The following RANBP2 variants were observed in gnomAD, a reference collection of about 807,000 sequenced individuals.
The protein encoded by RANBP2 is E3 SUMO-protein ligase RanBP2.
A neutral mutation model predicts 303.6 loss-of-function variants in RANBP2; 57 were observed. The ratio of observed to expected loss-of-function variants is 0.19; its 90% CI spans 0.15 to 0.23. The LOEUF is 0.23. RANBP2 is among the 10% of genes least tolerant of loss of function. The pLI, the probability that RANBP2 is intolerant of heterozygous loss-of-function variation, is 1.00. For missense variants in RANBP2, 3,138 were observed against 3,780.8 expected (o/e 0.83, Z 4.46); for synonymous variants, 1,167 against 1,301.5 (o/e 0.90, Z 2.23).
chr2:109,242,478 G>A, the RANBP2 span, among the ~76,000 whole-genome samples: 2 of 152,124 alleles, frequency 1.3e-5, no homozygotes, highest in Admixed American at 6.5e-5. Flanking sequence ...CTGCTGAGCC[G>A]CCCCAGTGAC....
the RANBP2 span, among the ~76,000 whole-genome samples, chr2:109,342,237 CA>C: frequency 3.3e-5 from 5 of 152,158 alleles, no homozygotes; most frequent in African/African-American, 9.7e-5. Flanking sequence ...CTGCTATTAG[CA>C]ATAGGATCTT....
chr2:109,324,979 G>A, the RANBP2 span, among the ~76,000 whole-genome samples: 1 of 152,192 alleles, frequency 6.6e-6, no homozygotes, highest in African/African-American at 2.4e-5. Flanking sequence ...CACAGTTTTG[G>A]CAAGGAAAAG....
At chr2:109,508,906 C>T in the RANBP2 span, among the ~76,000 whole-genome samples, 9 of 152,316 alleles carry the variant, frequency 5.9e-5, no homozygotes, top group African/African-American at 1.2e-4. Context: ...GGAGCAAAGG[C>T]GCTACAAGCC....
At chr2:109,023,104 G>GA in the RANBP2 span, among the ~76,000 whole-genome samples, 1 of 152,196 alleles carries the variant, frequency 6.6e-6, no homozygotes, top group Non-Finnish European at 1.5e-5. Flanking sequence ...CTGTTTTGAT[G>GA]AAACCTTGAT....
the RANBP2 span, among the ~76,000 whole-genome samples, chr2:109,450,719 A>T: frequency 6.6e-6 from 1 of 152,186 alleles, no homozygotes; most frequent in Non-Finnish European, 1.5e-5. Flanking sequence ...GCAATTCTCC[A>T]GGGCTCAGGG....
chr2:108,910,663 C>A, the RANBP2 span: 1 of 1,430,176 alleles, frequency 7.0e-7, no homozygotes, highest in Non-Finnish European at 9.8e-7. Context: ...ACGGTAAGCA[C>A]AGTATGGTTC....
chr2:108,946,470 C>T, the RANBP2 span, among the ~76,000 whole-genome samples: 4 of 152,230 alleles, frequency 2.6e-5, no homozygotes, highest in Non-Finnish European at 5.9e-5. Flanking sequence ...AGTTGGCTCT[C>T]TGGCCAAACA....
At chr2:109,117,696 T>C in the RANBP2 span, among the ~76,000 whole-genome samples, 1 of 152,158 alleles carries the variant, frequency 6.6e-6, no homozygotes, top group Admixed American at 6.5e-5. Context: ...GTACCTCAGA[T>C]GGAAATGCAG....
chr2:108,993,084 AAT>A, the RANBP2 span, among the ~76,000 whole-genome samples: 1 of 152,220 alleles, frequency 6.6e-6, no homozygotes, highest in Non-Finnish European at 1.5e-5. Context: ...ATGTGCCTAA[AAT>A]ATGAGAATGG....
chr2:108,949,146 T>C, the RANBP2 span, among the ~76,000 whole-genome samples: 1 of 151,876 alleles, frequency 6.6e-6, no homozygotes, highest in African/African-American at 2.4e-5. Flanking sequence ...CCTGGGTAAT[T>C]TTTTTTGTAG....
chr2:109,463,650 C>A, the RANBP2 span, among the ~76,000 whole-genome samples: 1 of 152,182 alleles, frequency 6.6e-6, no homozygotes, highest in South Asian at 2.1e-4. Context: ...GCCATCAGAC[C>A]CTGAGGCTCA....
the RANBP2 span, among the ~76,000 whole-genome samples, chr2:109,339,667 G>T: frequency 2.0e-5 from 3 of 152,156 alleles, no homozygotes; most frequent in Non-Finnish European, 4.4e-5. Context: ...CAAGGTGCCT[G>T]GTGGCTGCTG....
the RANBP2 span, among the ~76,000 whole-genome samples, chr2:109,482,390 AC>A: frequency 6.6e-6 from 1 of 152,310 alleles, no homozygotes; most frequent in Middle Eastern, 3.4e-3. Context: ...ACTAATAAAT[AC>A]CAGGGACACC....
the RANBP2 span, among the ~76,000 whole-genome samples, chr2:109,375,522 A>T: frequency 1.3e-5 from 2 of 152,004 alleles, no homozygotes; most frequent in Middle Eastern, 3.2e-3. Context: ...CAAACACTCC[A>T]CCGGGCCTTC....
At chr2:108,719,813 T>C (rs1365466570) in intron 1 of RANBP2, 135 bp downstream of exon 1, 2 of 1,454,522 alleles carry the variant, frequency 1.4e-6, no homozygotes, top group East Asian at 2.6e-5. Flanking sequence ...GGCGCAGTCC[T>C]GTGGGCGGCG....
chr2:108,832,344 C>CTTTT, the RANBP2 span, among the ~76,000 whole-genome samples: 56 of 122,166 alleles, frequency 4.6e-4, no homozygotes, highest in Non-Finnish European at 7.6e-4. Context: ...GTATTTCTTT[C>CTTTT]TTTTTTTTTT....
the RANBP2 span, among the ~76,000 whole-genome samples, chr2:109,642,741 G>T: frequency 2.0e-5 from 3 of 152,178 alleles, no homozygotes; most frequent in African/African-American, 7.2e-5. Flanking sequence ...ACCACAGAAG[G>T]GAAAATTTTT....
chr2:108,879,299 A>T, the RANBP2 span, among the ~76,000 whole-genome samples: 2 of 152,214 alleles, frequency 1.3e-5, no homozygotes, highest in African/African-American at 4.8e-5. Context: ...TTATCAAAGA[A>T]TTCTTTTTTA....
chr2:108,911,033 A>G, the RANBP2 span: 1 of 1,614,080 alleles, frequency 6.2e-7, no homozygotes, highest in Non-Finnish European at 8.5e-7. Flanking sequence ...GGACATTGCA[A>G]TGATCAGGGC....
Sources: allele counts gnomAD v4.1 joint callset (sites outside exome capture counted in the v4.1 genomes callset), GRCh38; gene constraint gnomAD v4.1.1; transcripts MANE v1.5; gene names NCBI Gene and HGNC (gene_info 2026-07-23, HGNC 2026-07-21).